The following KHDRBS1 variants were observed in gnomAD, a reference collection of about 807,000 sequenced individuals.
KHDRBS1 encodes KH domain-containing, RNA-binding, signal transduction-associated protein 1.
KHDRBS1 carries 7 observed loss-of-function variants against 48.4 expected under a neutral mutation model. That is an observed-to-expected ratio of 0.14 (90% CI 0.08 to 0.27). The LOEUF (loss-of-function observed/expected upper bound fraction) is 0.27, where lower values mean the gene tolerates loss of function less well. Ranked by LOEUF, KHDRBS1 falls within the 10% of genes least tolerant of loss-of-function variation. The pLI is 1.00. For missense variants in KHDRBS1, 458 were observed against 601.2 expected (o/e 0.76, Z 2.49); for synonymous variants, 241 against 235.8 (o/e 1.02, Z -0.20).
intron 1 of KHDRBS1, among the ~76,000 whole-genome samples, chr1:32,020,435 G>A (rs372756604): frequency 1.3e-5 from 2 of 150,942 alleles, no homozygotes; most frequent in Admixed American, 6.6e-5. Flanking sequence ...AAAAAAAAAC[G>A]TGCTTACCGT....
Position 32,014,239 on chromosome 1 carries a change from G to A in KHDRBS1, c.244G>A (p.Ala82Thr), listed in dbSNP as rs764132945. Reference sequence around the variant, plus strand: ...TCCCGACGCGACAGTGGGCGGGCCAGCGCCGACCCCGCTGCTGCCCCCCTC... The same window carrying A: ...TCCCGACGCGACAGTGGGCGGGCCAACGCCGACCCCGCTGCTGCCCCCCTC... ...TGPDATVGGP[A>T]PTPLLPPSAT... The change falls in exon 1 of 9, where the codon GCG becomes ACG. Residue 82 changes from alanine to threonine, a missense_variant. Transcript: ENST00000327300. The A allele has an allele frequency of 1.8e-5, 27 of 1,530,314 alleles. No individual in the cohort carries two copies. In the South Asian group the frequency reaches 2.7e-4, roughly 15 times the overall value. The allele number at this position is 1,530,314 out of a possible 1,614,324, so 94.8% of individuals were successfully genotyped here. A position where few individuals can be genotyped will look rare whatever the true frequency, so the allele number is the denominator to read the frequency against.
Position 32,038,023 on chromosome 1 carries a change from C to T in KHDRBS1, c.1094C>T (p.Thr365Ile). 1 of 1,614,088 alleles carries T rather than the reference C, an allele frequency of 6.2e-7. No homozygotes were observed. ...IPLPPPPAPE[T>I]YEEYGYDDTY... ...TTGCCTCCACCTCCTGCACCAGAAA[C>T]ATATGAAGAATATGTAAGAAATTTG... The change falls in exon 6 of 9, where the codon ACA becomes ATA. Residue 365 changes from threonine (T) to isoleucine (I), a missense_variant. Thr to Ile is a moderately conservative substitution (Grantham distance 89). Coordinates refer to ENST00000327300, the MANE Select transcript of KHDRBS1 (RefSeq NM_006559.3).
chr1:32,018,711 C>G (rs1303865616), intron 1 of KHDRBS1, among the ~76,000 whole-genome samples: 3 of 149,722 alleles, frequency 2.0e-5, no homozygotes, highest in Admixed American at 1.3e-4. Flanking sequence ...GAGCCGAGAT[C>G]GCGCCACTGC....
At chr1:32,053,973 A>G (rs1424002964) in intron 10 of KHDRBS1, among the ~76,000 whole-genome samples, 2 of 152,062 alleles carry the variant, frequency 1.3e-5, no homozygotes, top group Non-Finnish European at 2.9e-5. Context: ...AATCCTGGCT[A>G]CTCGGGAGGC....
At chr1:32,048,366 T>C (rs1347670934), downstream of KHDRBS1, among the ~76,000 whole-genome samples, 1 of 152,112 alleles carries the variant, frequency 6.6e-6, no homozygotes, top group Non-Finnish European at 1.5e-5. Context: ...GGGCATTAGC[T>C]GGGCATGATG....
intron 1 of KHDRBS1, among the ~76,000 whole-genome samples, chr1:32,020,056 C>T (rs1364337504): frequency 6.6e-6 from 1 of 151,984 alleles, no homozygotes; most frequent in Non-Finnish European, 1.5e-5. Flanking sequence ...GTGTGAGCCA[C>T]CATGCCCAGC....
intron 1 of KHDRBS1, among the ~76,000 whole-genome samples, chr1:32,020,097 TTTG>T (rs1009695950): frequency 1.3e-5 from 2 of 152,064 alleles, no homozygotes; most frequent in African/African-American, 2.4e-5. Flanking sequence ...TTGTTTGTTT[TTTG>T]TTTTTTACAA....
At chr1:32,048,020 A>G (rs1436511185), downstream of KHDRBS1, among the ~76,000 whole-genome samples, 1 of 152,166 alleles carries the variant, frequency 6.6e-6, no homozygotes, top group African/African-American at 2.4e-5. Flanking sequence ...GTAACATAGT[A>G]CTTCATACTA....
intron 1 of KHDRBS1, among the ~76,000 whole-genome samples, chr1:32,016,672 C>G (rs1337559247): frequency 2.0e-5 from 3 of 152,178 alleles, no homozygotes; most frequent in African/African-American, 7.2e-5. Context: ...CCGTGAGACC[C>G]TGAGCACTCT....
chr1:32,042,489 G>A (rs371936205), intron 8 of KHDRBS1, 38 bp from the exon 9 acceptor site: 35 of 1,418,994 alleles, frequency 2.5e-5, no homozygotes, highest in Non-Finnish European at 3.1e-5. Context: ...AAGTGCTGTC[G>A]CCACATGGTT....
downstream of KHDRBS1, among the ~76,000 whole-genome samples, chr1:32,047,640 A>C (rs1451916687): frequency 1.3e-5 from 2 of 152,212 alleles, no homozygotes; most frequent in Non-Finnish European, 2.9e-5. Flanking sequence ...TATGCATCAT[A>C]ATATCCTAAC....
downstream of KHDRBS1, among the ~76,000 whole-genome samples, chr1:32,044,435 C>T (rs936485518): frequency 4.6e-5 from 7 of 152,176 alleles, no homozygotes; most frequent in Non-Finnish European, 1.0e-4. Context: ...GAACCCCCTC[C>T]TAAGAGACCA....
intron 10 of KHDRBS1, among the ~76,000 whole-genome samples, chr1:32,050,899 A>T (rs914738362): frequency 4.2e-5 from 6 of 142,080 alleles, no homozygotes; most frequent in East Asian, 2.1e-4. Context: ...TCAAATTATT[A>T]TTTTTTTTTG....
At chr1:32,024,553 C>T (rs1171901648) in intron 1 of KHDRBS1, among the ~76,000 whole-genome samples, 5 of 151,706 alleles carry the variant, frequency 3.3e-5, no homozygotes, top group Non-Finnish European at 4.4e-5. Flanking sequence ...TCTCAAGTTC[C>T]TGGGCTCAAG....
At position 32,037,046 on chromosome 1, in the gene KHDRBS1, A is replaced by G. The variant is rs1639197663; in HGVS notation, c.905+3A>G. 6.2e-7 allele frequency: 1 copy of G among 1,612,884 alleles called. No homozygotes were observed. Among genetic ancestry groups the G allele is most frequent in the Non-Finnish European group, 8.5e-7 (1 of 1,179,508 alleles). ...CCTCCTCCACCACCTGTTCCCAGGT[A>G]AAAATAATGGAGACACCCAGAAATA... is the stretch of plus-strand genomic sequence containing the variant. On this transcript the variant is annotated splice_donor_region_variant and intron_variant, in intron 5 of 8. Transcript: ENST00000327300.
intron 8 of KHDRBS1, among the ~76,000 whole-genome samples, chr1:32,040,277 G>A (rs1055890879): frequency 1.3e-5 from 2 of 152,114 alleles, no homozygotes; most frequent in African/African-American, 2.4e-5. Flanking sequence ...TTAGCCAGGT[G>A]TGGTGGTGGG....
At chr1:32,048,024 C>T (rs531144052), downstream of KHDRBS1, among the ~76,000 whole-genome samples, 241 of 152,294 alleles carry the variant, frequency 1.6e-3, 1 homozygote, top group African/African-American at 5.4e-3. Flanking sequence ...CATAGTACTT[C>T]ATACTAGTCA....
intron 10 of KHDRBS1, among the ~76,000 whole-genome samples, chr1:32,056,155 A>G (rs1197439848): frequency 1.3e-5 from 2 of 152,044 alleles, no homozygotes; most frequent in African/African-American, 2.4e-5. Context: ...CCTAGCCGGT[A>G]CTGTGGTGAT....
chr1:32,024,787 T>C (rs1177915400), intron 1 of KHDRBS1, among the ~76,000 whole-genome samples: 4 of 152,130 alleles, frequency 2.6e-5, no homozygotes, highest in Admixed American at 6.6e-5. Context: ...GTATTTGATA[T>C]ATAGTAGGCA....
Sources: allele counts gnomAD v4.1 joint callset (sites outside exome capture counted in the v4.1 genomes callset), GRCh38; gene constraint gnomAD v4.1.1; transcripts MANE v1.5; gene names NCBI Gene and HGNC (gene_info 2026-07-23, HGNC 2026-07-21).